ARHGEF7: variants seen among roughly 807,000 people sequenced by gnomAD.
The protein encoded by ARHGEF7 is Rho guanine nucleotide exchange factor 7, also known as PAK-interacting exchange factor beta.
A neutral mutation model predicts 109.8 loss-of-function variants in ARHGEF7; 33 were observed. The observed-to-expected ratio is 0.30, with a 90% CI of 0.23 to 0.40. The LOEUF (loss-of-function observed/expected upper bound fraction) is 0.40, where lower values mean the gene tolerates loss of function less well. Ranked by LOEUF, ARHGEF7 falls within the 10% of genes least tolerant of loss-of-function variation. ARHGEF7 has a pLI of 1.00. For synonymous variants in ARHGEF7, 458 were observed against 424.6 expected (o/e 1.08, Z -0.97); for missense variants, 938 against 1,098.5 (o/e 0.85, Z 2.07).
At chr13:111,167,665 T>TAG (rs937450918) in intron 2 of ARHGEF7, among the ~76,000 whole-genome samples, 2 of 152,224 alleles carry the variant, frequency 1.3e-5, no homozygotes, top group Admixed American at 6.5e-5. Context: ...AACAGAGTGT[T>TAG]ACAGGCACAC....
chr13:111,288,156 T>A (rs1291318265), intron 17 of ARHGEF7, among the ~76,000 whole-genome samples, 198 bp from the exon 18 acceptor site: 1 of 152,222 alleles, frequency 6.6e-6, no homozygotes, highest in Non-Finnish European at 1.5e-5. Flanking sequence ...GTTGCAAATA[T>A]TTTTATTTGC....
intron 12 of ARHGEF7, 108 bp downstream of exon 12, chr13:111,275,786 CTA>C: frequency 2.2e-6 from 3 of 1,394,094 alleles, no homozygotes; most frequent in Non-Finnish European, 3.0e-6. Flanking sequence ...AATAGAAGCT[CTA>C]TCTTATAATT....
At chr13:111,296,608 G>A (rs1595618754) in intron 19 of ARHGEF7, among the ~76,000 whole-genome samples, 1 of 152,302 alleles carries the variant, frequency 6.6e-6, no homozygotes, top group African/African-American at 2.4e-5. Flanking sequence ...TGTGTATGTG[G>A]TTATAGAAAT....
chr13:111,199,453 A>G (rs998691231), intron 2 of ARHGEF7, among the ~76,000 whole-genome samples: 1 of 152,186 alleles, frequency 6.6e-6, no homozygotes, highest in Non-Finnish European at 1.5e-5. Context: ...AGAGGTTTTC[A>G]TATTTGGGAG....
At chr13:111,264,439 G>A (rs1196206434) in intron 8 of ARHGEF7, among the ~76,000 whole-genome samples, 2 of 152,188 alleles carry the variant, frequency 1.3e-5, no homozygotes, top group African/African-American at 4.8e-5. Flanking sequence ...GAGAAGGCAG[G>A]TGGGACAGCC....
intron 2 of ARHGEF7, among the ~76,000 whole-genome samples, chr13:111,201,987 A>G (rs2081263674): frequency 6.6e-6 from 1 of 152,244 alleles, no homozygotes; most frequent in Admixed American, 6.5e-5. Flanking sequence ...CAAAATACCA[A>G]AAATAAGCTA....
At chr13:111,288,548 C>T (rs919488624) in intron 18 of ARHGEF7, 105 bp downstream of exon 18, 8 of 701,308 alleles carry the variant, frequency 1.1e-5, no homozygotes, top group African/African-American at 3.6e-5. Flanking sequence ...ACAGCCCATG[C>T]GCCTGACCTC....
At chr13:111,297,245 T>A (rs2093447787) in intron 19 of ARHGEF7, among the ~76,000 whole-genome samples, 1 of 152,254 alleles carries the variant, frequency 6.6e-6, no homozygotes, top group African/African-American at 2.4e-5. Context: ...TAGAATTGCA[T>A]AATTTCTAGG....
chr13:111,304,436 A>G lies in ARHGEF7; in HGVS notation c.*1323A>G, dbSNP rs1276935821. Reference sequence around the variant, plus strand: ...GAAAAGGTTGGTTTTAAAGTGAGATACACTTTTCCGTAGAACAAGTGTTCT... The same window carrying G: ...GAAAAGGTTGGTTTTAAAGTGAGATGCACTTTTCCGTAGAACAAGTGTTCT... On this transcript the variant is annotated 3_prime_UTR_variant, in exon 22 of 22. Coordinates refer to ENST00000646102, the MANE Select transcript of ARHGEF7 (RefSeq NM_001354046.2). 6.6e-6 allele frequency: 1 copy of G among 152,174 alleles called. No individual in the cohort carries two copies. The highest frequency in any genetic ancestry group is 1.5e-5 in the Non-Finnish European group (1 of 68,038). The allele number at this position is 152,174 out of a possible 1,614,324, so 9.4% of individuals were successfully genotyped here.
chr13:111,206,971 AAAAAGAAAAAG>A (rs1314135724), intron 3 of ARHGEF7, among the ~76,000 whole-genome samples: 47 of 141,450 alleles, frequency 3.3e-4, no homozygotes, highest in Non-Finnish European at 6.7e-4. Context: ...AAAAAAAAAA[AAAAAGAAAAAG>A]AAAAAAAAAG....
chr13:111,183,487 G>A (rs1414141289), intron 2 of ARHGEF7, among the ~76,000 whole-genome samples: 2 of 152,018 alleles, frequency 1.3e-5, no homozygotes, highest in African/African-American at 2.4e-5. Flanking sequence ...TCACACCTCC[G>A]GCATCATCTG....
At chr13:111,221,180 T>C (rs755404736) in intron 5 of ARHGEF7, among the ~76,000 whole-genome samples, 32 of 74,836 alleles carry the variant, frequency 4.3e-4, no homozygotes, top group African/African-American at 9.2e-4. Context: ...TCTATATAGA[T>C]ATATATGTCT....
intron 13 of ARHGEF7, among the ~76,000 whole-genome samples, chr13:111,279,238 T>C (rs1036670736): frequency 1.3e-5 from 2 of 152,136 alleles, no homozygotes; most frequent in Non-Finnish European, 2.9e-5. Flanking sequence ...TGTCCAGCAG[T>C]CTCCTCTTCC....
chr13:111,224,634 G>A (rs926069797), intron 5 of ARHGEF7, among the ~76,000 whole-genome samples: 2 of 152,210 alleles, frequency 1.3e-5, no homozygotes, highest in African/African-American at 4.8e-5. Flanking sequence ...GATCTTTAAC[G>A]ACATTGCCAC....
intron 6 of ARHGEF7, among the ~76,000 whole-genome samples, chr13:111,236,340 A>G (rs1271197709): frequency 2.6e-5 from 4 of 152,176 alleles, no homozygotes; most frequent in African/African-American, 4.8e-5. Flanking sequence ...GACAGTTTCC[A>G]TTGACTGCTT....
At chr13:111,287,618 G>A (rs529315788) in intron 17 of ARHGEF7, among the ~76,000 whole-genome samples, 1 of 152,378 alleles carries the variant, frequency 6.6e-6, no homozygotes, top group Non-Finnish European at 1.5e-5. Flanking sequence ...TTCGGTGCCA[G>A]GGCGCCATTT....
At chr13:111,127,836 A>G (rs1034558058) in intron 1 of ARHGEF7, among the ~76,000 whole-genome samples, 2 of 152,120 alleles carry the variant, frequency 1.3e-5, no homozygotes, top group African/African-American at 4.8e-5. Context: ...AAAATTTAGC[A>G]AATCAATTTC....
chr13:111,210,157 A>G (rs1406879780), intron 4 of ARHGEF7, among the ~76,000 whole-genome samples, 155 bp downstream of exon 4: 2 of 152,162 alleles, frequency 1.3e-5, no homozygotes, highest in African/African-American at 4.8e-5. Context: ...CTGGTTTGGC[A>G]TTTGCTCATT....
chr13:111,190,571 G>A (rs146295042), intron 2 of ARHGEF7, among the ~76,000 whole-genome samples: 3,324 of 152,224 alleles, frequency 0.022, 112 homozygotes, highest in African/African-American at 0.076. Context: ...GTGGTAGTAG[G>A]ATAATGAAGT....
Sources: gnomAD v4.1 joint callset for allele counts (sites outside exome capture counted in the v4.1 genomes callset) on GRCh38, gnomAD v4.1.1 for gene constraint, MANE v1.5 for transcripts, NCBI Gene and HGNC (gene_info 2026-07-23, HGNC 2026-07-21) for gene names.